CDH9: variants seen among roughly 807,000 people sequenced by gnomAD.
CDH9 encodes cadherin-9.
In CDH9, 28 loss-of-function variants were observed where a neutral mutation model predicts 70.9. The observed-to-expected ratio is 0.40, with a 90% CI of 0.29 to 0.54. The LOEUF is 0.54. Among genes scored for constraint, CDH9 ranks in the 20% least tolerant of loss-of-function variants. CDH9 has a pLI of 0.59. For missense variants in CDH9, 874 were observed against 984.4 expected (o/e 0.89, Z 1.50); for synonymous variants, 409 against 343.1 (o/e 1.19, Z -2.12).
At chr5:26,984,070 C>A (rs976641110) in intron 2 of CDH9, among the ~76,000 whole-genome samples, 1 of 152,132 alleles carries the variant, frequency 6.6e-6, no homozygotes, top group African/African-American at 2.4e-5. Flanking sequence ...ACAGATAAAC[C>A]AATTGTAACC....
intron 2 of CDH9, among the ~76,000 whole-genome samples, chr5:26,926,920 C>A (rs1561197680): frequency 1.4e-5 from 2 of 143,514 alleles, no homozygotes; most frequent in African/African-American, 5.3e-5. Context: ...AAATACAGCC[C>A]CCCCCCGCAA....
chr5:26,881,722 G>T, intron 11 of CDH9, 99 bp from the exon 12 acceptor site: 1 of 1,083,382 alleles, frequency 9.2e-7, no homozygotes, highest in East Asian at 2.5e-5. Context: ...GAGATATTAA[G>T]ATTGATCGAA....
At chr5:26,907,665 TG>T (rs1233681727) in intron 3 of CDH9, among the ~76,000 whole-genome samples, 1 of 152,152 alleles carries the variant, frequency 6.6e-6, no homozygotes, top group African/African-American at 2.4e-5. Context: ...AATATATTGA[TG>T]AATTTTTAAA....
chr5:27,032,825 T>C (rs922596142), intron 1 of CDH9, among the ~76,000 whole-genome samples: 6 of 151,350 alleles, frequency 4.0e-5, no homozygotes, highest in African/African-American at 1.5e-4. Context: ...TCGGGGAAAA[T>C]AGTCAACTAA....
At chr5:27,035,669 T>C (rs1188242477) in intron 1 of CDH9, among the ~76,000 whole-genome samples, 1 of 141,278 alleles carries the variant, frequency 7.1e-6, no homozygotes, top group Admixed American at 7.1e-5. Context: ...TTAATATTGC[T>C]ATTGACGTGT....
chr5:26,902,797 A>C, intron 6 of CDH9, 68 bp from the exon 7 acceptor site: 1 of 861,396 alleles, frequency 1.2e-6, no homozygotes, highest in Non-Finnish European at 1.8e-6. Flanking sequence ...ACGATTTCAA[A>C]TTTTAATAGC....
chr5:27,001,932 TCA>T (rs1255240879), intron 1 of CDH9, among the ~76,000 whole-genome samples: 1 of 150,714 alleles, frequency 6.6e-6, no homozygotes, highest in East Asian at 2.0e-4. Context: ...TTGGAACAAT[TCA>T]CAGTGACCAA....
chr5:27,037,523 TCTAA>T (rs1467795732), intron 1 of CDH9, among the ~76,000 whole-genome samples: 12 of 151,980 alleles, frequency 7.9e-5, no homozygotes, highest in East Asian at 1.9e-4. Context: ...GGTAACAGTC[TCTAA>T]CTGTCAATAC....
intron 7 of CDH9, among the ~76,000 whole-genome samples, chr5:26,895,234 A>T (rs1000305006): frequency 6.6e-6 from 1 of 152,054 alleles, no homozygotes. Flanking sequence ...GCCATTCATT[A>T]TCCCTCAAAA....
chr5:26,982,395 G>A (rs1210875112), intron 2 of CDH9, among the ~76,000 whole-genome samples: 1 of 152,042 alleles, frequency 6.6e-6, no homozygotes, highest in Non-Finnish European at 1.5e-5. Context: ...CAGCAAAGAG[G>A]AAGTTTGACT....
intron 1 of CDH9, among the ~76,000 whole-genome samples, chr5:26,997,859 C>T (rs1056734372): frequency 4.6e-5 from 7 of 152,006 alleles, no homozygotes; most frequent in African/African-American, 1.7e-4. Flanking sequence ...GCCATCATAC[C>T]CAGCTAATTT....
intron 2 of CDH9, among the ~76,000 whole-genome samples, chr5:26,917,765 T>C (rs1425786615): frequency 1.3e-5 from 2 of 152,088 alleles, no homozygotes; most frequent in African/African-American, 4.8e-5. Context: ...CTAATCATGC[T>C]GCCTCCACTC....
intron 1 of CDH9, among the ~76,000 whole-genome samples, chr5:26,994,040 T>A (rs965851809): frequency 6.6e-6 from 1 of 152,212 alleles, no homozygotes; most frequent in Admixed American, 6.5e-5. Context: ...TTTCCTTCTT[T>A]CTTATTCCTC....
intron 1 of CDH9, among the ~76,000 whole-genome samples, chr5:27,018,345 T>C (rs577285988): frequency 1.0e-3 from 155 of 151,792 alleles, no homozygotes; most frequent in Middle Eastern, 3.5e-3. Context: ...TAAATATATA[T>C]GTAAAATTAA....
chr5:26,980,646 A>G (rs997003056), intron 2 of CDH9, among the ~76,000 whole-genome samples: 8 of 152,108 alleles, frequency 5.3e-5, no homozygotes, highest in Admixed American at 4.6e-4. Context: ...TCATCAGAAA[A>G]AGGAAACATG....
At chr5:26,947,624 C>G (rs1741775894) in intron 2 of CDH9, among the ~76,000 whole-genome samples, 1 of 152,138 alleles carries the variant, frequency 6.6e-6, no homozygotes, top group African/African-American at 2.4e-5. Flanking sequence ...AGAAAATAGA[C>G]TCTGCTATGG....
intron 7 of CDH9, among the ~76,000 whole-genome samples, chr5:26,900,363 T>C (rs7730501): frequency 0.13 from 19,229 of 152,016 alleles, 1,331 homozygotes; most frequent in Middle Eastern, 0.32. Flanking sequence ...TTTTACCAAA[T>C]TTAGACAAAA....
chr5:26,999,111 G>A (rs1742719369), intron 1 of CDH9, among the ~76,000 whole-genome samples: 1 of 152,002 alleles, frequency 6.6e-6, no homozygotes, highest in African/African-American at 2.4e-5. Flanking sequence ...TGGGTGTGAT[G>A]GTGTGCACCT....
At chr5:26,934,698 C>CCTCCGCTT (rs1741528714) in intron 2 of CDH9, among the ~76,000 whole-genome samples, 1 of 152,076 alleles carries the variant, frequency 6.6e-6, no homozygotes, top group Non-Finnish European at 1.5e-5. Context: ...CCATCATCTA[C>CCTCCGCTT]CACTGTTACA....
Sources: allele counts gnomAD v4.1 joint callset (sites outside exome capture counted in the v4.1 genomes callset), GRCh38; gene constraint gnomAD v4.1.1; transcripts MANE v1.5; gene names NCBI Gene and HGNC (gene_info 2026-07-23, HGNC 2026-07-21).